FARS2: variants seen among roughly 807,000 people sequenced by gnomAD.
FARS2 encodes phenylalanine--tRNA ligase, mitochondrial.
Under a neutral mutation model 46.4 loss-of-function variants are expected in FARS2, and 40 were observed. The observed-to-expected ratio is 0.86, with a 90% CI of 0.67 to 1.12. FARS2 has a LOEUF of 1.12. Among genes scored for constraint, FARS2 ranks in the 50% most tolerant of loss-of-function variants. FARS2 has a pLI of 0.00. For missense variants in FARS2, 513 were observed against 567.9 expected, an observed-to-expected ratio of 0.90 and a Z score of 0.98; for synonymous variants, 234 against 214.9, an observed-to-expected ratio of 1.09 and a Z score of -0.78.
At chr6:5,537,110 C>G (rs551290412) in intron 4 of FARS2, among the ~76,000 whole-genome samples, 2 of 152,180 alleles carry the variant, frequency 1.3e-5, no homozygotes, top group African/African-American at 4.8e-5. Context: ...TGCCTTGATA[C>G]AACCCAAGTA....
upstream of FARS2, among the ~76,000 whole-genome samples, chr6:5,259,275 T>C (rs745447582): frequency 3.3e-5 from 5 of 152,260 alleles, no homozygotes; most frequent in Non-Finnish European, 5.9e-5. Flanking sequence ...TTAACTTGCA[T>C]ATTTCATGTG....
chr6:5,351,520 A>G (rs1029198986), intron 1 of FARS2, among the ~76,000 whole-genome samples: 10 of 152,190 alleles, frequency 6.6e-5, no homozygotes, highest in Admixed American at 3.9e-4. Context: ...CTGTTCTTTG[A>G]TAGAATATTG....
intron 6 of FARS2, among the ~76,000 whole-genome samples, chr6:5,763,154 G>A (rs1473352873): frequency 2.0e-5 from 3 of 152,206 alleles, no homozygotes; most frequent in Non-Finnish European, 4.4e-5. Flanking sequence ...CTTCCCTCCG[G>A]CTCCCATCGC....
intron 5 of FARS2, among the ~76,000 whole-genome samples, chr6:5,601,351 G>C (rs1046874406): frequency 1.3e-5 from 2 of 151,732 alleles, no homozygotes; most frequent in African/African-American, 2.4e-5. Flanking sequence ...GAGAAACCCT[G>C]TCTCTACTAA....
chr6:5,521,938 T>C (rs1769165911), intron 4 of FARS2, among the ~76,000 whole-genome samples: 1 of 152,212 alleles, frequency 6.6e-6, no homozygotes, highest in Non-Finnish European at 1.5e-5. Context: ...ATTATTTTTA[T>C]AGGACAAGGA....
intron 4 of FARS2, among the ~76,000 whole-genome samples, chr6:5,470,783 C>A (rs1034106646): frequency 6.6e-6 from 1 of 152,094 alleles, no homozygotes; most frequent in East Asian, 1.9e-4. Flanking sequence ...AGAAAATAGA[C>A]AAATCAATGA....
chr6:5,279,170 A>G (rs6933736), intron 1 of FARS2, among the ~76,000 whole-genome samples: 118,981 of 151,850 alleles, frequency 0.78, 47,014 homozygotes, highest in African/African-American at 0.89. Context: ...GAGGTCAGGA[A>G]ATCGAGAACA....
At chr6:5,386,661 G>C (rs1760153739) in intron 2 of FARS2, among the ~76,000 whole-genome samples, 1 of 152,192 alleles carries the variant, frequency 6.6e-6, no homozygotes, top group South Asian at 2.1e-4. Flanking sequence ...TCTACATGGG[G>C]AAGTGAGGGA....
At chr6:5,602,283 T>C (rs1774565640) in intron 5 of FARS2, among the ~76,000 whole-genome samples, 1 of 152,192 alleles carries the variant, frequency 6.6e-6, no homozygotes, top group South Asian at 2.1e-4. Flanking sequence ...TTGAGAATTA[T>C]TAGCTTTCTT....
chr6:5,708,695 C>CT (rs1293889833), intron 6 of FARS2, among the ~76,000 whole-genome samples: 3 of 152,112 alleles, frequency 2.0e-5, no homozygotes, highest in African/African-American at 7.2e-5. Context: ...GGGTTTTGCT[C>CT]TTTTGCCCAG....
chr6:5,564,790 C>T (rs1772230662), intron 5 of FARS2, among the ~76,000 whole-genome samples: 1 of 152,192 alleles, frequency 6.6e-6, no homozygotes. Context: ...TTTGGTGAGC[C>T]TATCCTCTCG....
chr6:5,577,211 G>A (rs557856720), intron 5 of FARS2, among the ~76,000 whole-genome samples: 1 of 152,252 alleles, frequency 6.6e-6, no homozygotes, highest in East Asian at 1.9e-4. Context: ...ATGGGAGTCA[G>A]ATTTCTCACT....
intron 1 of FARS2, among the ~76,000 whole-genome samples, chr6:5,362,551 A>T (rs1431348311): frequency 6.6e-6 from 1 of 152,198 alleles, no homozygotes; most frequent in Non-Finnish European, 1.5e-5. Context: ...GGGGGTGCAG[A>T]TGTCTCTTTG....
intron 6 of FARS2, among the ~76,000 whole-genome samples, chr6:5,745,781 C>T (rs1360799523): frequency 6.6e-6 from 1 of 152,176 alleles, no homozygotes; most frequent in Non-Finnish European, 1.5e-5. Context: ...CTCAAGTCAT[C>T]CTCCCACCTC....
At chr6:5,279,396 AAAAG>A in intron 1 of FARS2, among the ~76,000 whole-genome samples, 1 of 150,664 alleles carries the variant, frequency 6.6e-6, no homozygotes, top group Non-Finnish European at 1.5e-5. Flanking sequence ...AAGAAAAAGA[AAAAG>A]AAAAAAAGAA....
chr6:5,365,641 C>T (rs1758627120), intron 1 of FARS2, among the ~76,000 whole-genome samples: 1 of 151,590 alleles, frequency 6.6e-6, no homozygotes, highest in African/African-American at 2.4e-5. Flanking sequence ...CGTGAGCCAC[C>T]ACACCCTACT....
At chr6:5,563,127 C>T (rs1385558126) in intron 5 of FARS2, among the ~76,000 whole-genome samples, 1 of 152,016 alleles carries the variant, frequency 6.6e-6, no homozygotes, top group Non-Finnish European at 1.5e-5. Context: ...CCCCACCTGC[C>T]ACGTATACCA....
intron 2 of FARS2, among the ~76,000 whole-genome samples, chr6:5,397,291 G>C (rs1760965551): frequency 6.6e-6 from 1 of 152,182 alleles, no homozygotes; most frequent in Non-Finnish European, 1.5e-5. Context: ...TCAGGGGCCA[G>C]TGCGGAGACA....
chr6:5,634,039 T>A (rs1048010337), intron 6 of FARS2, among the ~76,000 whole-genome samples: 3 of 152,178 alleles, frequency 2.0e-5, no homozygotes, highest in Non-Finnish European at 4.4e-5. Flanking sequence ...TCATCAATTT[T>A]TGTCCATTGC....
Sources: allele counts gnomAD v4.1 joint callset (sites outside exome capture counted in the v4.1 genomes callset), GRCh38; gene constraint gnomAD v4.1.1; transcripts MANE v1.5; gene names NCBI Gene and HGNC (gene_info 2026-07-23, HGNC 2026-07-21).